Variants in ADAMTS20 observed in about 807,000 individuals in gnomAD.
ADAMTS20 encodes A disintegrin and metalloproteinase with thrombospondin motifs 20.
ADAMTS20 carries 225 observed loss-of-function variants against 260.1 expected under a neutral mutation model. The observed-to-expected ratio is 0.87, with a 90% CI of 0.78 to 0.97. The LOEUF (loss-of-function observed/expected upper bound fraction) is 0.97, where lower values mean the gene tolerates loss of function less well. Among genes scored for constraint, ADAMTS20 ranks in the 50% least tolerant of loss-of-function variants. The pLI, the probability that ADAMTS20 is intolerant of heterozygous loss-of-function variation, is 0.00. For missense variants in ADAMTS20, 2,400 were observed against 2,337.7 expected, an observed-to-expected ratio of 1.03 and a Z score of -0.55; for synonymous variants, 802 against 769.5, an observed-to-expected ratio of 1.04 and a Z score of -0.70.
chr12:43,416,681 C>A (rs555216529), intron 28 of ADAMTS20, among the ~76,000 whole-genome samples: 1 of 152,002 alleles, frequency 6.6e-6, no homozygotes, highest in Non-Finnish European at 1.5e-5. Flanking sequence ...CCACCACGCC[C>A]GGCTAATTTT....
At chr12:43,528,566 G>A (rs779547613) in intron 3 of ADAMTS20, among the ~76,000 whole-genome samples, 3 of 151,828 alleles carry the variant, frequency 2.0e-5, no homozygotes, top group Admixed American at 6.6e-5. Flanking sequence ...GAAAACGGGT[G>A]CCCTGTTTAA....
chr12:43,426,869 A>G (rs1001143458), intron 27 of ADAMTS20, among the ~76,000 whole-genome samples: 2 of 152,240 alleles, frequency 1.3e-5, no homozygotes, highest in Non-Finnish European at 2.9e-5. Flanking sequence ...TAAATCATGA[A>G]TGAGTGACCT....
At chr12:43,536,658 G>A (rs1022306117) in intron 2 of ADAMTS20, among the ~76,000 whole-genome samples, 1 of 152,184 alleles carries the variant, frequency 6.6e-6, no homozygotes, top group Non-Finnish European at 1.5e-5. Context: ...TCCAAACGGT[G>A]ACTGAAAGGC....
chr12:43,439,535 T>G, intron 18 of ADAMTS20, 87 bp downstream of exon 18: 3 of 1,482,786 alleles, frequency 2.0e-6, no homozygotes, highest in Non-Finnish European at 9.1e-7. Context: ...GTGGGGAGGA[T>G]TCCATAGGCA....
chr12:43,363,773 A>C (rs1233325562), intron 37 of ADAMTS20, among the ~76,000 whole-genome samples: 2 of 152,198 alleles, frequency 1.3e-5, no homozygotes, highest in Non-Finnish European at 2.9e-5. Context: ...ATAAGATTGA[A>C]GTTTAACAGA....
intron 3 of ADAMTS20, among the ~76,000 whole-genome samples, chr12:43,504,876 T>C (rs1246737286): frequency 6.6e-6 from 1 of 152,168 alleles, no homozygotes; most frequent in Non-Finnish European, 1.5e-5. Flanking sequence ...AGAGCAATAA[T>C]ACCTACTGGT....
intron 22 of ADAMTS20, among the ~76,000 whole-genome samples, chr12:43,430,895 T>C (rs1334722697): frequency 6.6e-6 from 1 of 152,220 alleles, no homozygotes; most frequent in African/African-American, 2.4e-5. Flanking sequence ...AGGCTTCCTG[T>C]CAACTGTGGC....
chr12:43,526,786 T>A (rs1943149413), intron 3 of ADAMTS20, among the ~76,000 whole-genome samples: 1 of 151,562 alleles, frequency 6.6e-6, no homozygotes, highest in African/African-American at 2.4e-5. Context: ...ACTAGAGAAA[T>A]AAGAACAAAC....
At position 43,477,665 on chromosome 12, in the gene ADAMTS20, C is replaced by G. The variant is rs1404566377; in HGVS notation, c.1118-8960G>C. Among the ~76,000 whole-genome samples, 3 of 152,162 alleles carry G rather than the reference C, an allele frequency of 2.0e-5. No homozygotes were observed. The East Asian group carries it at 5.8e-4, about 29-fold the overall frequency. ...TCTTTGTCTCTTTCTTTCTCTCTCT[C>G]TCTCTCAATACACAAGCATGCAGGC... On this transcript the variant is annotated intron_variant, in intron 7 of 38. Coordinates refer to ENST00000389420, the MANE Select transcript of ADAMTS20 (RefSeq NM_025003.5).
At chr12:43,511,366 C>T (rs959823201) in intron 3 of ADAMTS20, among the ~76,000 whole-genome samples, 7 of 152,138 alleles carry the variant, frequency 4.6e-5, no homozygotes, top group African/African-American at 1.4e-4. Flanking sequence ...ATCTAAGCCT[C>T]TCCCTACTAG....
Position 43,399,133 on chromosome 12 carries a change from T to C in ADAMTS20, c.4385A>G (p.Lys1462Arg). ...TCTACAGGCTTTGTGAGTTGGAGGT[T>C]TCTGTACTTGACTGCAATTTGTGTC... ...LEDTNCSQVQKPPTHKACRSV... is the reference protein window; with the variant it reads ...LEDTNCSQVQRPPTHKACRSV... The change falls in exon 29 of 39, where the codon AAA becomes AGA. Residue 1462 changes from lysine (K) to arginine (R), a missense_variant. Lys to Arg is a conservative substitution (Grantham distance 26). Transcript: ENST00000389420. The C allele has an allele frequency of 6.4e-7, 1 of 1,555,276 alleles. No homozygotes were observed. Among genetic ancestry groups the C allele is most frequent in the Non-Finnish European group, 8.7e-7 (1 of 1,148,308 alleles).
intron 28 of ADAMTS20, among the ~76,000 whole-genome samples, chr12:43,416,771 C>A (rs1941140031): frequency 1.3e-5 from 2 of 152,146 alleles, no homozygotes; most frequent in Non-Finnish European, 2.9e-5. Context: ...ATCCGACCGC[C>A]TCGGCCTCCC....
intron 3 of ADAMTS20, among the ~76,000 whole-genome samples, chr12:43,522,696 T>C (rs558844043): frequency 1.3e-3 from 202 of 152,218 alleles, no homozygotes; most frequent in Non-Finnish European, 2.4e-3. Flanking sequence ...TTATTTTGTA[T>C]AGTTTTGTTT....
intron 2 of ADAMTS20, among the ~76,000 whole-genome samples, chr12:43,536,274 C>T (rs760131337): frequency 6.6e-6 from 1 of 152,090 alleles, no homozygotes; most frequent in African/African-American, 2.4e-5. Context: ...TTTGGCTTCA[C>T]AATTCATGCC....
intron 28 of ADAMTS20, among the ~76,000 whole-genome samples, chr12:43,417,149 T>C (rs1275308099): frequency 6.6e-6 from 1 of 152,130 alleles, no homozygotes; most frequent in Non-Finnish European, 1.5e-5. Context: ...TAATCTTGAG[T>C]GGAATGGTAA....
intron 2 of ADAMTS20, among the ~76,000 whole-genome samples, chr12:43,534,281 GA>G (rs1359129242): frequency 2.5e-4 from 37 of 150,422 alleles, no homozygotes; most frequent in African/African-American, 8.3e-4. Context: ...AAATTTACAA[GA>G]AAAAAACAAA....
intron 2 of ADAMTS20, among the ~76,000 whole-genome samples, chr12:43,546,486 G>C (rs941821071): frequency 1.3e-5 from 2 of 152,022 alleles, no homozygotes; most frequent in South Asian, 4.2e-4. Flanking sequence ...TATGAGAAAA[G>C]GGCTACCAGA....
At chr12:43,469,019 T>C (rs985558259) in intron 7 of ADAMTS20, among the ~76,000 whole-genome samples, 2 of 152,136 alleles carry the variant, frequency 1.3e-5, no homozygotes, top group African/African-American at 2.4e-5. Flanking sequence ...ATGAAGTGTT[T>C]TAACACATTA....
intron 29 of ADAMTS20, among the ~76,000 whole-genome samples, chr12:43,388,416 C>G (rs1234009118): frequency 6.6e-6 from 1 of 152,184 alleles, no homozygotes; most frequent in African/African-American, 2.4e-5. Context: ...GCAGAAATCA[C>G]CTGCCTTCTG....
Sources: allele counts gnomAD v4.1 joint callset (sites outside exome capture counted in the v4.1 genomes callset), GRCh38; gene constraint gnomAD v4.1.1; transcripts MANE v1.5; gene names NCBI Gene and HGNC (gene_info 2026-07-23, HGNC 2026-07-21).